Variants in WNT3A observed in about 807,000 individuals in gnomAD.
WNT3A encodes protein Wnt-3a.
WNT3A carries 17 observed loss-of-function variants against 37.0 expected under a neutral mutation model. The observed-to-expected ratio is 0.46, with a 90% confidence interval of 0.31 to 0.69. The LOEUF (loss-of-function observed/expected upper bound fraction) is 0.69. Ranked by LOEUF, WNT3A falls within the 30% of genes least tolerant of loss-of-function variation. The pLI is 0.05. For synonymous variants in WNT3A, 187 were observed against 211.0 expected, an observed-to-expected ratio of 0.89 and a Z score of 0.99; for missense variants, 411 against 510.2, an observed-to-expected ratio of 0.81 and a Z score of 1.87.
chr1:228,033,096 C>T (rs1299499831), intron 2 of WNT3A, among the ~76,000 whole-genome samples: 1 of 152,198 alleles, frequency 6.6e-6, no homozygotes, highest in Non-Finnish European at 1.5e-5. Context: ...CAATACATGA[C>T]TTGCAAATAT....
chr1:228,059,399 C>A lies in WNT3A; in HGVS notation c.993C>A (p.Phe331Leu). The A allele has an allele frequency of 6.4e-7, 1 of 1,560,808 alleles. No individual in the cohort carries two copies. Among genetic ancestry groups the A allele is most frequent in the Non-Finnish European group, 8.6e-7 (1 of 1,157,650 alleles). Reference protein sequence around the residue: ...ERRREKCRCVFHWCCYVSCQE... With the variant: ...ERRREKCRCVLHWCCYVSCQE... ...GCCGGGAGAAGTGCCGCTGCGTGTTCCACTGGTGCTGCTACGTCAGCTGCC... is the reference window on the plus strand; with the variant it reads ...GCCGGGAGAAGTGCCGCTGCGTGTTACACTGGTGCTGCTACGTCAGCTGCC... Residue 331 changes from phenylalanine (F) to leucine (L), a missense_variant, in exon 4 of 4, where the codon TTC becomes TTA. By Grantham distance (22) the Phe-to-Leu change is conservative. Coordinates refer to ENST00000284523, the MANE Select transcript of WNT3A (RefSeq NM_033131.4).
intron 2 of WNT3A, among the ~76,000 whole-genome samples, chr1:228,046,815 C>G (rs993133954): frequency 5.6e-5 from 8 of 141,614 alleles, no homozygotes; most frequent in African/African-American, 2.1e-4. Flanking sequence ...GTGTGGTGTG[C>G]ATGCCTATAT....
intron 2 of WNT3A, among the ~76,000 whole-genome samples, chr1:228,029,159 T>A (rs536697299): frequency 2.0e-5 from 3 of 152,308 alleles, no homozygotes; most frequent in East Asian, 3.9e-4. Flanking sequence ...TGGCATTCAG[T>A]GGGTTGCGGT....
chr1:228,028,274 CT>C (rs1168204368), intron 2 of WNT3A, among the ~76,000 whole-genome samples: 2 of 140,878 alleles, frequency 1.4e-5, no homozygotes, highest in Non-Finnish European at 3.1e-5. Flanking sequence ...TATTTGGGAT[CT>C]TTTTTGGTTA....
intron 2 of WNT3A, among the ~76,000 whole-genome samples, chr1:228,033,769 T>C (rs1405081904): frequency 6.6e-6 from 1 of 152,194 alleles, no homozygotes; most frequent in Admixed American, 6.5e-5. Context: ...ACTAATATTA[T>C]GTCTTCTGGT....
intron 1 of WNT3A, among the ~76,000 whole-genome samples, chr1:228,011,570 C>CT (rs2030374249): frequency 6.6e-6 from 1 of 152,218 alleles, no homozygotes; most frequent in Non-Finnish European, 1.5e-5. Flanking sequence ...GTCTCTGTCT[C>CT]TATCTCTCTG....
chr1:228,053,805 G>A (rs2031609787), intron 3 of WNT3A, among the ~76,000 whole-genome samples: 1 of 152,184 alleles, frequency 6.6e-6, no homozygotes, highest in Non-Finnish European at 1.5e-5. Flanking sequence ...GGGGGTGTCT[G>A]AGACACTGGT....
intron 2 of WNT3A, among the ~76,000 whole-genome samples, chr1:228,032,759 G>C (rs2031042997): frequency 1.3e-5 from 2 of 152,198 alleles, no homozygotes; most frequent in Non-Finnish European, 2.9e-5. Context: ...AACTATTCCA[G>C]AGTGTCTGCA....
rs1270468899 is a variant in WNT3A at position 228,037,941 on chromosome 1, T to C, written c.314-12715T>C. ...TACTTCCAGGTTGCTATGACTGGCC[T>C]GCGCTCGCCTAATCACCGACTAGGG... is the stretch of plus-strand genomic sequence containing the variant. On this transcript the variant is annotated intron_variant, in intron 2 of 3. Transcript: ENST00000284523. This position sits in a 1 kb window ranked among gnomAD's most constrained non-coding sequence, Gnocchi z 4.1. Among the ~76,000 whole-genome samples the C allele has an allele frequency of 6.6e-6, 1 of 152,212 alleles. No individual in the cohort carries two copies. Among genetic ancestry groups the C allele is most frequent in the East Asian group, 1.9e-4 (1 of 5,172 alleles).
At chr1:228,049,246 C>T (rs547490376) in intron 2 of WNT3A, among the ~76,000 whole-genome samples, 1 of 152,078 alleles carries the variant, frequency 6.6e-6, no homozygotes, top group African/African-American at 2.4e-5. Context: ...CAGAGGTGGG[C>T]GGTGTGTGGG....
At chr1:228,019,294 G>A (rs1020783539) in intron 1 of WNT3A, among the ~76,000 whole-genome samples, 7 of 152,232 alleles carry the variant, frequency 4.6e-5, no homozygotes, top group African/African-American at 1.7e-4. Context: ...GGGGTGGGCA[G>A]AGTGACAGCC....
At chr1:228,029,114 T>G (rs1211191717) in intron 2 of WNT3A, among the ~76,000 whole-genome samples, 1 of 152,154 alleles carries the variant, frequency 6.6e-6, no homozygotes, top group East Asian at 1.9e-4. Flanking sequence ...ACTACCAGGC[T>G]CTCCTAGCAA....
chr1:228,048,784 G>A (rs2031482041), intron 2 of WNT3A, among the ~76,000 whole-genome samples: 1 of 151,990 alleles, frequency 6.6e-6, no homozygotes, highest in Admixed American at 6.5e-5. Context: ...TGCCCTTGCA[G>A]AAGTGTCTGC....
At chr1:228,024,608 G>T (rs752845317) in intron 2 of WNT3A, among the ~76,000 whole-genome samples, 6 of 152,064 alleles carry the variant, frequency 3.9e-5, no homozygotes, top group Non-Finnish European at 7.4e-5. Flanking sequence ...CTCTCTCATC[G>T]TGTAGGTTTT....
rs979202292 is a variant in WNT3A, at chr1:228,007,539, C to T, written c.71+340C>T. Among the ~76,000 whole-genome samples, 1 of 152,160 alleles carries T rather than the reference C, an allele frequency of 6.6e-6. No individual in the cohort carries two copies. Among genetic ancestry groups the T allele is most frequent in the Non-Finnish European group, 1.5e-5 (1 of 68,012 alleles). ...GCACGGTCACCGAGGGGACAGGCAG[C>T]TCGAGGCCAGGGGACAGGCGAGGGA... On this transcript the variant is annotated intron_variant, in intron 1 of 3. Coordinates refer to ENST00000284523, the MANE Select transcript of WNT3A (RefSeq NM_033131.4). This position sits in a 1 kb window ranked among gnomAD's most constrained non-coding sequence, Gnocchi z 6.0.
Position 228,045,125 on chromosome 1 carries a change from G to C in WNT3A, c.314-5531G>C, listed in dbSNP as rs569035477. Among the ~76,000 whole-genome samples, 337 of 152,340 alleles carry C rather than the reference G, an allele frequency of 2.2e-3. 2 individuals are homozygous for C. The highest frequency in any genetic ancestry group is 6.8e-3 in the Middle Eastern group (2 of 294). On this transcript the variant is annotated intron_variant, in intron 2 of 3. Coordinates refer to ENST00000284523, the MANE Select transcript of WNT3A (RefSeq NM_033131.4). ...TGCCCTTGAGTGTGTCTGGCTATTG[G>C]GGCTGTTTGCCTGAGTTTTGATAAG...
intron 1 of WNT3A, among the ~76,000 whole-genome samples, chr1:228,017,209 C>A (rs1338579234): frequency 6.6e-6 from 1 of 152,094 alleles, no homozygotes; most frequent in African/African-American, 2.4e-5. Context: ...TTTCAGGGAG[C>A]CACATAACTA....
At chr1:228,018,269 G>A (rs2030589105) in intron 1 of WNT3A, among the ~76,000 whole-genome samples, 1 of 152,158 alleles carries the variant, frequency 6.6e-6, no homozygotes, top group South Asian at 2.1e-4. Context: ...TGGCCCACAG[G>A]GTGTGGGAGG....
Position 228,007,863 on chromosome 1 carries a change from T to TAG in WNT3A, c.71+671_71+672dup, listed in dbSNP as rs1326422687. On this transcript the variant is annotated intron_variant, in intron 1 of 3. Transcript: ENST00000284523. This position sits in a 1 kb window ranked among gnomAD's most constrained non-coding sequence, Gnocchi z 6.0. ...TCCACCTGGCAATGAGGGGCTGCTG[T>TAG]AGAGAGAGTTAAGGGTGAGTTAAGC... is the stretch of plus-strand genomic sequence containing the variant. Among the ~76,000 whole-genome samples, 1 of 152,054 alleles carries TAG rather than the reference T, an allele frequency of 6.6e-6. No homozygotes were observed. Among genetic ancestry groups the TAG allele is most frequent in the Non-Finnish European group, 1.5e-5 (1 of 67,990 alleles).
Sources: gnomAD v4.1 joint callset for allele counts (sites outside exome capture counted in the v4.1 genomes callset) on GRCh38, gnomAD v4.1.1 for gene constraint, Gnocchi (gnomAD v3.1) non-coding constraint, MANE v1.5 for transcripts, NCBI Gene and HGNC (gene_info 2026-07-23, HGNC 2026-07-21) for gene names.